RNF216: variants seen among roughly 807,000 people sequenced by gnomAD.
RNF216 encodes ring finger protein 216.
RNF216 carries 72 observed loss-of-function variants against 110.8 expected under a neutral mutation model. The observed-to-expected ratio is 0.65, with a 90% confidence interval of 0.54 to 0.79. The LOEUF (loss-of-function observed/expected upper bound fraction) is 0.79. RNF216 is among the 30% of genes least tolerant of loss of function. RNF216 has a pLI of 0.00. For synonymous variants in RNF216, 495 were observed against 407.5 expected, an observed-to-expected ratio of 1.21 and a Z score of -2.59; for missense variants, 1,342 against 1,141.2, an observed-to-expected ratio of 1.18 and a Z score of -2.54.
In RNF216 at chr7:5,741,499, C is replaced by G. The variant is rs374810205; in HGVS notation, c.518G>C (p.Arg173Thr). Reference sequence around the variant, plus strand: ...CAAGATGATGACTTTCTGCTCTGATCTGGGGTTGACAATGTCATTTGCTGC... The same window carrying G: ...CAAGATGATGACTTTCTGCTCTGATGTGGGGTTGACAATGTCATTTGCTGC... ...NQAANDIVNP[R>T]SEQKVIILEE... is the part of the protein sequence containing the mutation. The change falls in exon 4 of 17, where the codon AGA becomes ACA. Residue 173 changes from arginine to threonine, a missense_variant. By Grantham distance (71) the Arg-to-Thr change is moderately conservative. Coordinates refer to ENST00000389902, the MANE Select transcript of RNF216 (RefSeq NM_207111.4). 4.4e-5 allele frequency: 71 copies of G among 1,614,056 alleles called. No homozygotes were observed. Among genetic ancestry groups the G allele is most frequent in the Non-Finnish European group, 5.7e-5 (67 of 1,180,048 alleles).
intron 13 of RNF216, among the ~76,000 whole-genome samples, chr7:5,702,986 T>C (rs181883707): frequency 5.3e-5 from 8 of 152,286 alleles, no homozygotes; most frequent in Non-Finnish European, 1.2e-4. Flanking sequence ...CTACATGATA[T>C]ACCTGTAAGG....
intron 15 of RNF216, among the ~76,000 whole-genome samples, chr7:5,639,052 G>T (rs1787573870): frequency 1.3e-5 from 2 of 152,086 alleles, no homozygotes; most frequent in Non-Finnish European, 2.9e-5. Flanking sequence ...ATTCTGGCTG[G>T]GTCTGTGATG....
intron 13 of RNF216, among the ~76,000 whole-genome samples, chr7:5,655,080 G>A (rs1788648958): frequency 6.6e-6 from 1 of 152,168 alleles, no homozygotes; most frequent in Non-Finnish European, 1.5e-5. Flanking sequence ...AGCATTCCTG[G>A]CAATTCCGTT....
intron 13 of RNF216, among the ~76,000 whole-genome samples, chr7:5,682,949 T>G (rs1790752931): frequency 1.3e-5 from 2 of 152,104 alleles, no homozygotes; most frequent in Admixed American, 6.5e-5. Flanking sequence ...CATTTCCAAC[T>G]CAGGAGCAAG....
chr7:5,725,658 T>A lies in RNF216; in HGVS notation c.1390-220A>T, dbSNP rs146364817. ...TGAGGTCAGGAGTTCGACACCAGTC[T>A]GGCCAACATGGTGAAACCCTGTCTG... On this transcript the variant is annotated intron_variant, in intron 7 of 16. Transcript: ENST00000389902. 3.7e-3 allele frequency among the ~76,000 whole-genome samples: 569 copies of A among 152,206 alleles called. 14 individuals carry two copies. In the East Asian group the frequency reaches 0.072, roughly 19 times the overall value.
intron 8 of RNF216, among the ~76,000 whole-genome samples, chr7:5,721,429 G>A (rs1411531769): frequency 1.3e-5 from 2 of 152,186 alleles, no homozygotes; most frequent in African/African-American, 4.8e-5. Flanking sequence ...TGTCACTAGT[G>A]TACTATGTGA....
At chr7:5,730,250 C>T (rs1794009744) in intron 6 of RNF216, among the ~76,000 whole-genome samples, 1 of 152,110 alleles carries the variant, frequency 6.6e-6, no homozygotes, top group African/African-American at 2.4e-5. Flanking sequence ...CAAAGTTGTG[C>T]TGATGGACAG....
At chr7:5,660,734 T>G (rs1789063803) in intron 13 of RNF216, among the ~76,000 whole-genome samples, 2 of 151,960 alleles carry the variant, frequency 1.3e-5, no homozygotes, top group Admixed American at 6.6e-5. Flanking sequence ...TGCACCACCA[T>G]GCCTGGCTAA....
intron 5 of RNF216, among the ~76,000 whole-genome samples, chr7:5,737,158 T>C (rs1189087000): frequency 6.6e-5 from 10 of 152,216 alleles, no homozygotes; most frequent in African/African-American, 2.2e-4. Flanking sequence ...CATAGGAGAC[T>C]CCATTTTGTT....
chr7:5,627,379 C>T (rs1273864582), intron 15 of RNF216, among the ~76,000 whole-genome samples: 1 of 152,144 alleles, frequency 6.6e-6, no homozygotes, highest in Non-Finnish European at 1.5e-5. Context: ...GTGAGGGCCT[C>T]ACGTCTCTGC....
At chr7:5,714,947 A>T (rs534108490) in intron 11 of RNF216, 106 bp downstream of exon 11, 151 of 1,005,804 alleles carry the variant, frequency 1.5e-4, no homozygotes, top group Middle Eastern at 2.3e-4. Flanking sequence ...TACCAGCAGA[A>T]CTCCACCTCA....
At chr7:5,653,399 C>T (rs1374440115) in intron 13 of RNF216, among the ~76,000 whole-genome samples, 1 of 151,734 alleles carries the variant, frequency 6.6e-6, no homozygotes, top group Non-Finnish European at 1.5e-5. Flanking sequence ...GAGATTGAAA[C>T]CATCCTGGCT....
At chr7:5,763,952 G>A (rs150400749) in intron 1 of RNF216, among the ~76,000 whole-genome samples, 14 of 152,280 alleles carry the variant, frequency 9.2e-5, no homozygotes, top group African/African-American at 2.9e-4. Context: ...ACCTTGGGAG[G>A]CCGAGGCAGG....
intron 13 of RNF216, among the ~76,000 whole-genome samples, chr7:5,701,676 A>T (rs181207014): frequency 6.6e-6 from 1 of 152,336 alleles, no homozygotes; most frequent in East Asian, 1.9e-4. Context: ...AGTGGGTTTA[A>T]TATCAAAATC....
intron 13 of RNF216, among the ~76,000 whole-genome samples, chr7:5,709,275 C>A (rs7777831): frequency 0.82 from 124,456 of 152,128 alleles, 52,869 homozygotes; most frequent in Middle Eastern, 0.92. Context: ...TTCCAGTCTT[C>A]TTTTTCCTCC....
intron 13 of RNF216, among the ~76,000 whole-genome samples, chr7:5,655,394 T>C (rs1374072173): frequency 6.6e-6 from 1 of 152,152 alleles, no homozygotes; most frequent in African/African-American, 2.4e-5. Context: ...GGTCAGACAT[T>C]AGAGACCAGC....
intron 13 of RNF216, among the ~76,000 whole-genome samples, chr7:5,660,083 T>C (rs1789006615): frequency 6.6e-6 from 1 of 150,896 alleles, no homozygotes; most frequent in African/African-American, 2.4e-5. Context: ...ATCTTCCGAG[T>C]AGCTCGGACT....
chr7:5,688,945 C>T lies in RNF216; in HGVS notation c.2061+22816G>A, dbSNP rs536168240. Among the ~76,000 whole-genome samples, 6 of 152,224 alleles carry T rather than the reference C, an allele frequency of 3.9e-5. No homozygotes were observed. The South Asian group carries it at 6.2e-4, about 16-fold the overall frequency. ...TCAAATGTTGACTGAATGAGAGAAGCGGGAAAAATATTCACAAAACTAGGT... is the reference window on the plus strand; with the variant it reads ...TCAAATGTTGACTGAATGAGAGAAGTGGGAAAAATATTCACAAAACTAGGT... On this transcript the variant is annotated intron_variant, in intron 13 of 16. Coordinates refer to ENST00000389902, the MANE Select transcript of RNF216 (RefSeq NM_207111.4).
intron 10 of RNF216, among the ~76,000 whole-genome samples, chr7:5,715,597 G>A (rs1409620533): frequency 2.2e-5 from 1 of 45,236 alleles, no homozygotes; most frequent in Non-Finnish European, 9.5e-5. Flanking sequence ...GTCATAAGGA[G>A]TGTGAATGGG....
Sources: gnomAD v4.1 joint callset for allele counts (sites outside exome capture counted in the v4.1 genomes callset) on GRCh38, gnomAD v4.1.1 for gene constraint, MANE v1.5 for transcripts, NCBI Gene and HGNC (gene_info 2026-07-23, HGNC 2026-07-21) for gene names.